MAST4: variants seen among roughly 807,000 people sequenced by gnomAD.
MAST4 encodes the protein microtubule associated serine/threonine kinase family member 4.
A neutral mutation model predicts 162.7 loss-of-function variants in MAST4; 89 were observed. The ratio of observed to expected loss-of-function variants is 0.55; its 90% confidence interval spans 0.46 to 0.65. The LOEUF is 0.65. MAST4 is among the 30% of genes least tolerant of loss of function. MAST4 has a pLI of 0.00. For missense variants in MAST4, 3,153 were observed against 3,374.0 expected, an observed-to-expected ratio of 0.93 and a Z score of 1.62; for synonymous variants, 1,479 against 1,361.1, an observed-to-expected ratio of 1.09 and a Z score of -1.91.
At chr5:67,016,786 T>C (rs142710886) in intron 4 of MAST4, among the ~76,000 whole-genome samples, 3 of 152,354 alleles carry the variant, frequency 2.0e-5, no homozygotes, top group African/African-American at 7.2e-5. Context: ...GCTTTCCCTG[T>C]ATGTATTATA....
At chr5:66,802,740 C>G (rs1464016969) in intron 3 of MAST4, among the ~76,000 whole-genome samples, 1 of 152,082 alleles carries the variant, frequency 6.6e-6, no homozygotes, top group East Asian at 1.9e-4. Flanking sequence ...GCGTCATGAC[C>G]TTAATTCTCT....
In MAST4 at chr5:67,162,744, G is replaced by T. The variant is rs767727699; in HGVS notation, c.3923G>T (p.Arg1308Leu). The change falls in exon 28 of 29, where the codon CGG becomes CTG. Residue 1308 changes from arginine (R) to leucine (L), a missense_variant. Around this residue, in one of 7 missense-constraint regions of MAST4, gnomAD observed 619 missense variants for 744.2 expected, o/e 0.83. Transcript: ENST00000403625. ...TCCCCCACTCATAGCTTGTCTCCCC[G>T]GTCTCCAACACCAAGCTACCGCTCC... is the stretch of plus-strand genomic sequence containing the variant. ...PGSPTHSLSP[R>L]SPTPSYRSTP... The T allele has an allele frequency of 6.2e-7, 1 of 1,613,652 alleles. No homozygotes were observed. The highest frequency in any genetic ancestry group is 1.1e-5 in the South Asian group (1 of 91,042).
At chr5:66,677,592 AAG>A (rs1370797830) in intron 1 of MAST4, among the ~76,000 whole-genome samples, 5 of 152,206 alleles carry the variant, frequency 3.3e-5, no homozygotes, top group African/African-American at 9.6e-5. Flanking sequence ...TGAGACTAGT[AAG>A]AGAGATAGAA....
At chr5:66,918,511 T>C (rs1465429704) in intron 4 of MAST4, among the ~76,000 whole-genome samples, 2 of 152,238 alleles carry the variant, frequency 1.3e-5, no homozygotes, top group African/African-American at 4.8e-5. Context: ...TGACATTAAC[T>C]TAATTGTTTT....
At chr5:66,626,139 G>A (rs1455209978) in intron 1 of MAST4, among the ~76,000 whole-genome samples, 1 of 78,526 alleles carries the variant, frequency 1.3e-5, no homozygotes, top group African/African-American at 5.6e-5. Flanking sequence ...ATTAGTCAAA[G>A]GGTACAAAGT....
chr5:66,689,593 G>C (rs1288932562), intron 1 of MAST4, among the ~76,000 whole-genome samples: 2 of 152,064 alleles, frequency 1.3e-5, no homozygotes, highest in African/African-American at 4.8e-5. Context: ...GACCTACCTT[G>C]ATCTGAAATA....
intron 3 of MAST4, among the ~76,000 whole-genome samples, chr5:66,898,495 T>C (rs995914605): frequency 1.3e-5 from 2 of 150,098 alleles, no homozygotes; most frequent in Non-Finnish European, 3.0e-5. Flanking sequence ...TTTTCTCTTG[T>C]CATTAGAGGT....
chr5:66,837,880 ATATATATATATATATTTTTTT>A (rs1758098797), intron 3 of MAST4, among the ~76,000 whole-genome samples: 1 of 51,906 alleles, frequency 1.9e-5, no homozygotes, highest in Non-Finnish European at 3.3e-5. Context: ...ATATATATAT[ATATATATATATATATTTTTTT>A]TTTTTTTTTT....
chr5:67,005,323 A>T (rs891707585), intron 4 of MAST4, among the ~76,000 whole-genome samples: 1 of 152,200 alleles, frequency 6.6e-6, no homozygotes, highest in African/African-American at 2.4e-5. Context: ...AATGTGGATA[A>T]TAAGACATTT....
At chr5:66,758,442 G>A (rs928804784) in intron 1 of MAST4, among the ~76,000 whole-genome samples, 11 of 151,232 alleles carry the variant, frequency 7.3e-5, no homozygotes, top group African/African-American at 2.7e-4. Context: ...TTTGAGATGG[G>A]GTCTTGCTCT....
chr5:66,642,161 A>C (rs138380944), intron 1 of MAST4, among the ~76,000 whole-genome samples: 1 of 152,138 alleles, frequency 6.6e-6, no homozygotes, highest in African/African-American at 2.4e-5. Flanking sequence ...AAAAAAATTG[A>C]ATCTAATTCT....
intron 1 of MAST4, among the ~76,000 whole-genome samples, chr5:66,603,727 T>G (rs548969302): frequency 6.6e-6 from 1 of 152,336 alleles, no homozygotes; most frequent in Non-Finnish European, 1.5e-5. Flanking sequence ...GCAAATAACC[T>G]AGTAGCCCTT....
intron 6 of MAST4, 78 bp from the exon 7 acceptor site, chr5:67,095,518 TA>T (rs919099064): frequency 2.7e-6 from 3 of 1,094,338 alleles, no homozygotes; most frequent in Non-Finnish European, 2.6e-6. Flanking sequence ...TTTGTTTGAC[TA>T]AAAATACTTA....
At position 67,163,851 on chromosome 5, in the gene MAST4, G is replaced by C; in HGVS notation, c.4672G>C (p.Gly1558Arg). The C allele has an allele frequency of 8.7e-6, 14 of 1,613,804 alleles. No homozygotes were observed. Among genetic ancestry groups the C allele is most frequent in the Non-Finnish European group, 1.2e-5 (14 of 1,179,806 alleles). Residue 1558 changes from glycine to arginine, a missense_variant, in exon 29 of 29, where the codon GGG becomes CGG. Gly to Arg is a moderately radical substitution (Grantham distance 125). This residue lies in a region of MAST4 where 1,644 missense variants were observed against 1,495.0 expected (regional missense o/e 1.10). Coordinates refer to ENST00000403625, the MANE Select transcript of MAST4 (RefSeq NM_001164664.2). The surrounding 1 kb of genome is among the most constrained non-coding windows in gnomAD (Gnocchi z 7.0). The stretch of plus-strand genomic sequence containing the variant: ...ATCCCACCAGAAATCCCATGGACCC[G>C]GGAGTGATTTGGAAAACTTTGCTCT... ...QESHQKSHGP[G>R]SDLENFALFK...
At chr5:66,989,092 A>G (rs1386499911) in intron 4 of MAST4, among the ~76,000 whole-genome samples, 1 of 152,192 alleles carries the variant, frequency 6.6e-6, no homozygotes, top group African/African-American at 2.4e-5. Context: ...TAAAATACTT[A>G]TATTTTAGAG....
chr5:66,808,025 C>T (rs1051110404), intron 3 of MAST4, among the ~76,000 whole-genome samples: 1 of 152,202 alleles, frequency 6.6e-6, no homozygotes, highest in Non-Finnish European at 1.5e-5. Flanking sequence ...TTTCCTTGCC[C>T]TTTCTTCTAT....
chr5:66,832,700 A>G (rs899512570), intron 3 of MAST4, among the ~76,000 whole-genome samples: 5 of 152,234 alleles, frequency 3.3e-5, no homozygotes, highest in African/African-American at 1.2e-4. Flanking sequence ...GAAATTCAAT[A>G]GTAGGATCAT....
intron 1 of MAST4, among the ~76,000 whole-genome samples, chr5:66,682,979 TAGA>T (rs1748425433): frequency 6.6e-6 from 1 of 152,118 alleles, no homozygotes; most frequent in African/African-American, 2.4e-5. Context: ...GAACCCTGGA[TAGA>T]ATAAAGGGCA....
At chr5:67,005,918 A>G (rs1474865261) in intron 4 of MAST4, among the ~76,000 whole-genome samples, 1 of 152,230 alleles carries the variant, frequency 6.6e-6, no homozygotes, top group Non-Finnish European at 1.5e-5. Context: ...GTGAACATGC[A>G]TGAGAGCAAC....
Sources: gnomAD v4.1 joint callset for allele counts (sites outside exome capture counted in the v4.1 genomes callset) on GRCh38, gnomAD v4.1.1 for gene constraint, gnomAD v4.1.1 regional missense constraint, Gnocchi (gnomAD v3.1) non-coding constraint, MANE v1.5 for transcripts, NCBI Gene and HGNC (gene_info 2026-07-23, HGNC 2026-07-21) for gene names.